The following ASTN2 variants were observed in gnomAD, a reference collection of about 807,000 sequenced individuals.
The protein encoded by ASTN2 is astrotactin 2, also known as astrotactin-2.
In ASTN2, 54 loss-of-function variants were observed where a neutral mutation model predicts 139.8. That is an observed-to-expected ratio of 0.39 (90% CI 0.31 to 0.48). The LOEUF (loss-of-function observed/expected upper bound fraction) is 0.48. Among genes scored for constraint, ASTN2 ranks in the 20% least tolerant of loss-of-function variants. The pLI is 0.95. For missense variants in ASTN2, 1,565 were observed against 1,725.1 expected, an observed-to-expected ratio of 0.91 and a Z score of 1.64; for synonymous variants, 756 against 719.5, an observed-to-expected ratio of 1.05 and a Z score of -0.81.
At chr9:116,952,480 C>T (rs1397003983) in intron 10 of ASTN2, among the ~76,000 whole-genome samples, 1 of 152,168 alleles carries the variant, frequency 6.6e-6, no homozygotes, top group Non-Finnish European at 1.5e-5. Context: ...CTGGAGCAGC[C>T]TTGAGCATCT....
intron 1 of ASTN2, among the ~76,000 whole-genome samples, chr9:117,405,090 C>T (rs941770941): frequency 1.3e-5 from 2 of 152,162 alleles, no homozygotes; most frequent in Non-Finnish European, 1.5e-5. Flanking sequence ...CCTGGCAGCA[C>T]AGAACAAGGT....
intron 2 of ASTN2, among the ~76,000 whole-genome samples, chr9:117,242,004 CTTTTTTTT>C (rs10579284): frequency 7.1e-5 from 3 of 42,496 alleles, no homozygotes; most frequent in African/African-American, 2.7e-4. Context: ...TTTGGCAAGT[CTTTTTTTT>C]TTTTTTTTTT....
intron 5 of ASTN2, among the ~76,000 whole-genome samples, chr9:117,086,248 C>A (rs576656232): frequency 2.8e-4 from 42 of 152,258 alleles, no homozygotes; most frequent in African/African-American, 9.4e-4. Flanking sequence ...TTGCTCAAAG[C>A]CTCTTAACCA....
chr9:116,498,826 T>C (rs547064153), intron 19 of ASTN2, among the ~76,000 whole-genome samples: 2 of 152,292 alleles, frequency 1.3e-5, no homozygotes, highest in Admixed American at 6.5e-5. Context: ...AAAAATGTGA[T>C]AGTGAAGGAT....
intron 7 of ASTN2, among the ~76,000 whole-genome samples, chr9:117,006,125 TGAAG>T (rs1837347256): frequency 6.6e-6 from 1 of 152,162 alleles, no homozygotes; most frequent in Non-Finnish European, 1.5e-5. Context: ...AAGTATCCCA[TGAAG>T]GGCACACTGT....
At chr9:116,983,894 C>T (rs899796029) in intron 7 of ASTN2, among the ~76,000 whole-genome samples, 2 of 152,186 alleles carry the variant, frequency 1.3e-5, no homozygotes, top group Non-Finnish European at 2.9e-5. Context: ...CCAAGGGCAG[C>T]TGAGTCCTGG....
chr9:116,528,587 G>C (rs182643884), intron 19 of ASTN2, among the ~76,000 whole-genome samples: 52 of 152,326 alleles, frequency 3.4e-4, no homozygotes, highest in African/African-American at 1.1e-3. Flanking sequence ...AATTGCATAA[G>C]TAAAGAGAAA....
chr9:117,208,963 GAAATGC>G (rs1186246889), intron 3 of ASTN2, among the ~76,000 whole-genome samples: 1 of 152,128 alleles, frequency 6.6e-6, no homozygotes, highest in Non-Finnish European at 1.5e-5. Flanking sequence ...GGCTTTACAA[GAAATGC>G]TCAGTGAAGT....
In ASTN2 at chr9:116,498,345, G is replaced by A. The variant is rs543790029; in HGVS notation, c.3356-10845C>T. ...CATGCCTGTAATCCCAGTTCTTGGGGAAGCTAAGGCAGGAGGATCACTTGA... is the reference window on the plus strand; with the variant it reads ...CATGCCTGTAATCCCAGTTCTTGGGAAAGCTAAGGCAGGAGGATCACTTGA... On this transcript the variant is annotated intron_variant, in intron 19 of 22. Transcript: ENST00000313400. Among the ~76,000 whole-genome samples, 5 of 152,252 alleles carry A rather than the reference G, an allele frequency of 3.3e-5. No individual in the cohort carries two copies. The East Asian group carries it at 9.6e-4, about 29-fold the overall frequency.
At chr9:116,707,224 A>G (rs1828011540) in intron 16 of ASTN2, among the ~76,000 whole-genome samples, 1 of 136,268 alleles carries the variant, frequency 7.3e-6, no homozygotes, top group East Asian at 2.4e-4. Context: ...GTTTACTAGG[A>G]CTTTACAAAA....
chr9:117,273,108 T>C (rs1174252281), intron 2 of ASTN2, among the ~76,000 whole-genome samples: 1 of 152,146 alleles, frequency 6.6e-6, no homozygotes, highest in Non-Finnish European at 1.5e-5. Flanking sequence ...GCTGGGGATG[T>C]CTCTTAATCA....
intron 2 of ASTN2, among the ~76,000 whole-genome samples, chr9:117,230,796 G>A (rs903366346): frequency 6.6e-6 from 1 of 152,152 alleles, no homozygotes; most frequent in African/African-American, 2.4e-5. Context: ...TCATGGAAAG[G>A]TAGCATCATC....
At chr9:117,067,044 C>A (rs1371485221) in intron 5 of ASTN2, among the ~76,000 whole-genome samples, 1 of 89,998 alleles carries the variant, frequency 1.1e-5, no homozygotes, top group Admixed American at 1.3e-4. Flanking sequence ...TCTTTTGTTG[C>A]CATTGCTTTT....
chr9:116,531,331 T>C (rs1048407239), intron 19 of ASTN2, among the ~76,000 whole-genome samples: 1 of 152,350 alleles, frequency 6.6e-6, no homozygotes, highest in East Asian at 1.9e-4. Flanking sequence ...AAAGTTCTTT[T>C]GACATATGAT....
intron 6 of ASTN2, among the ~76,000 whole-genome samples, chr9:117,023,437 G>A (rs1395866286): frequency 6.6e-6 from 1 of 152,100 alleles, no homozygotes; most frequent in Non-Finnish European, 1.5e-5. Flanking sequence ...TTCTCAGAGA[G>A]ATCTTCCCTG....
At chr9:117,156,302 C>T (rs956466368) in intron 3 of ASTN2, among the ~76,000 whole-genome samples, 2 of 152,022 alleles carry the variant, frequency 1.3e-5, no homozygotes, top group African/African-American at 2.4e-5. Context: ...TATGATGCTG[C>T]AAAACAAACA....
chr9:116,839,583 G>T (rs987046463), intron 11 of ASTN2, among the ~76,000 whole-genome samples: 3 of 151,818 alleles, frequency 2.0e-5, no homozygotes, highest in Non-Finnish European at 4.4e-5. Flanking sequence ...AGGTTTAAGC[G>T]ATTCTTATGC....
At chr9:116,443,266 G>C (rs536369123) in intron 20 of ASTN2, among the ~76,000 whole-genome samples, 1 of 152,214 alleles carries the variant, frequency 6.6e-6, no homozygotes, top group East Asian at 1.9e-4. Context: ...TAGGTAGGAT[G>C]CTCAGTAAGT....
chr9:116,514,041 G>A (rs1412816504), intron 19 of ASTN2, among the ~76,000 whole-genome samples: 1 of 151,908 alleles, frequency 6.6e-6, no homozygotes, highest in Non-Finnish European at 1.5e-5. Flanking sequence ...TGTTGCTGGT[G>A]AGGAGCTGCG....
Sources: allele counts gnomAD v4.1 joint callset (sites outside exome capture counted in the v4.1 genomes callset), GRCh38; gene constraint gnomAD v4.1.1; transcripts MANE v1.5; gene names NCBI Gene and HGNC (gene_info 2026-07-23, HGNC 2026-07-21).